GALNT2: variants seen among roughly 807,000 people sequenced by gnomAD.
The protein encoded by GALNT2 is UDP-GalNAc:polypeptide N-acetylgalactosaminyltransferase 2.
Under a neutral mutation model 81.4 loss-of-function variants are expected in GALNT2, and 31 were observed. The observed-to-expected ratio is 0.38, with a 90% confidence interval of 0.29 to 0.51. GALNT2 has a LOEUF of 0.51. Among genes scored for constraint, GALNT2 ranks in the 20% least tolerant of loss-of-function variants. GALNT2 has a pLI of 0.87. For missense variants in GALNT2, 629 were observed against 765.7 expected (o/e 0.82, Z 2.11); for synonymous variants, 303 against 287.4 (o/e 1.05, Z -0.55).
intron 7 of GALNT2, among the ~76,000 whole-genome samples, chr1:230,245,474 AC>A (rs1244803305): frequency 6.7e-6 from 1 of 149,678 alleles, no homozygotes; most frequent in Non-Finnish European, 1.5e-5. Context: ...CAAAAAAAAA[AC>A]AAAACAAAAA....
intron 1 of GALNT2, among the ~76,000 whole-genome samples, chr1:230,086,576 GT>G (rs577047285): frequency 2.7e-4 from 41 of 151,798 alleles, no homozygotes; most frequent in African/African-American, 5.8e-4. Context: ...AAAGTGAGCA[GT>G]TTTTTTTTCC....
rs1666436607 is a variant in GALNT2, at chr1:230,281,327, C to T, written c.*1869C>T. 6.6e-6 allele frequency: 1 copy of T among 152,122 alleles called. No individual in the cohort carries two copies. Among genetic ancestry groups the T allele is most frequent in the Non-Finnish European group, 1.5e-5 (1 of 68,084 alleles). 9.4% of individuals were successfully genotyped at this position (152,122 alleles called of 1,614,324 possible). A position where few individuals can be genotyped will look rare whatever the true frequency, so the allele number is the denominator to read the frequency against. On this transcript the variant is annotated 3_prime_UTR_variant, in exon 16 of 16. Coordinates refer to ENST00000366672, the MANE Select transcript of GALNT2 (RefSeq NM_004481.5). The stretch of plus-strand genomic sequence containing the variant: ...GATGTGTTGTGAGTGGGCAGCGTGC[C>T]CCCACGCTGGAGTAACTCCGCACGC...
At chr1:230,264,526 G>T (rs528737949) in intron 13 of GALNT2, 1 of 152,374 alleles carries the variant, frequency 6.6e-6, no homozygotes, top group African/African-American at 2.4e-5. Context: ...CCCTGTCTGT[G>T]GGGGGTGAGG....
intron 2 of GALNT2, among the ~76,000 whole-genome samples, chr1:230,188,431 A>T (rs1347129114): frequency 6.6e-6 from 1 of 152,176 alleles, no homozygotes; most frequent in Non-Finnish European, 1.5e-5. Context: ...GATGGCCGGG[A>T]GCTCTAGGCT....
intron 1 of GALNT2, 72 bp downstream of exon 1, chr1:230,067,478 C>T (rs1659231510): frequency 2.0e-6 from 1 of 504,842 alleles, no homozygotes; most frequent in Non-Finnish European, 2.8e-6. Context: ...CCCCTGCCCT[C>T]TCCGCGCCGC....
At chr1:230,148,968 C>T (rs531860956) in intron 1 of GALNT2, among the ~76,000 whole-genome samples, 2 of 152,158 alleles carry the variant, frequency 1.3e-5, no homozygotes, top group East Asian at 1.9e-4. Flanking sequence ...GCAGCCTTGA[C>T]CTCCTGGGCT....
intron 1 of GALNT2, among the ~76,000 whole-genome samples, chr1:230,161,610 G>C (rs1662440223): frequency 6.6e-6 from 1 of 152,206 alleles, no homozygotes; most frequent in South Asian, 2.1e-4. Context: ...GTGAGCATAT[G>C]GTTGGTTGGA....
chr1:230,244,514 C>T lies in GALNT2; in HGVS notation c.729+1087C>T, dbSNP rs779544463. Among the ~76,000 whole-genome samples, 6 of 141,088 alleles carry T rather than the reference C, an allele frequency of 4.3e-5. No homozygotes were observed. In the South Asian group the frequency reaches 7.4e-4, roughly 18 times the overall value. The allele number at this position is 141,088 out of a possible 152,430, so 92.6% of individuals were successfully genotyped here. A position where few individuals can be genotyped will look rare whatever the true frequency, so the allele number is the denominator to read the frequency against. On this transcript the variant is annotated intron_variant, in intron 7 of 15. Transcript: ENST00000366672. ...CACAACTTCTTGCTCTCCCTGGCTA[C>T]GCTCCGCCAGGCTGTCTCTCAGGGA...
At position 230,236,678 on chromosome 1, in the gene GALNT2, T is replaced by C; in HGVS notation, c.560T>C (p.Leu187Ser). Reference protein sequence around the residue: ...YSNDPEDGALLGKIEKVRVLR... With the variant: ...YSNDPEDGALSGKIEKVRVLR... ...TTCCTAGCTGAGGACGGGGCTCTCT[T>C]GGGGAAAATTGAGAAAGTGCGAGTT... The change falls in exon 6 of 16, where the codon TTG becomes TCG. Residue 187 changes from leucine to serine, a missense_variant. Physicochemically the swap from Leu to Ser is moderately radical, Grantham distance 145. Coordinates refer to ENST00000366672, the MANE Select transcript of GALNT2 (RefSeq NM_004481.5). 6.2e-7 allele frequency: 1 copy of C among 1,613,304 alleles called. No homozygotes were observed.
intron 14 of GALNT2, among the ~76,000 whole-genome samples, chr1:230,270,283 C>A (rs1433804163): frequency 6.6e-6 from 1 of 152,174 alleles, no homozygotes; most frequent in African/African-American, 2.4e-5. Context: ...TCAGCACATA[C>A]AATGTGATGT....
intron 1 of GALNT2, among the ~76,000 whole-genome samples, chr1:230,163,824 G>A (rs544258275): frequency 6.6e-6 from 1 of 152,350 alleles, no homozygotes; most frequent in African/African-American, 2.4e-5. Flanking sequence ...CTTGGCTGCT[G>A]TGGGCCAGGC....
intron 1 of GALNT2, among the ~76,000 whole-genome samples, chr1:230,090,067 T>C (rs532416624): frequency 6.6e-6 from 1 of 152,222 alleles, no homozygotes; most frequent in Admixed American, 6.5e-5. Context: ...TTATTTTCTG[T>C]TGTTTGATAG....
At position 230,280,626 on chromosome 1, in the gene GALNT2, C is replaced by T. The variant is rs1175104066; in HGVS notation, c.*1168C>T. ...CAGTGTCAGGGATGAGCCCGTCAGC[C>T]AGGGCACAGGCCTGGCTCACAGTCC... is the stretch of plus-strand genomic sequence containing the variant. On this transcript the variant is annotated 3_prime_UTR_variant, in exon 16 of 16. Transcript: ENST00000366672. 6.5e-6 allele frequency: 1 copy of T among 152,874 alleles called. No individual in the cohort carries two copies. Among genetic ancestry groups the T allele is most frequent in the Non-Finnish European group, 1.5e-5 (1 of 68,630 alleles). The allele number at this position is 152,874 out of a possible 1,614,324, so 9.5% of individuals were successfully genotyped here. A position where few individuals can be genotyped will look rare whatever the true frequency, so the allele number is the denominator to read the frequency against.
chr1:230,168,631 G>A (rs528583125), intron 1 of GALNT2, among the ~76,000 whole-genome samples: 6 of 152,326 alleles, frequency 3.9e-5, no homozygotes, highest in Non-Finnish European at 5.9e-5. Flanking sequence ...AGTTTTCAGT[G>A]TAGTTGCTTT....
intron 11 of GALNT2, among the ~76,000 whole-genome samples, chr1:230,260,735 C>T (rs1292770863): frequency 6.6e-6 from 1 of 152,188 alleles, no homozygotes; most frequent in East Asian, 1.9e-4. Context: ...ATGTATGATC[C>T]AGTATCCCCC....
intron 2 of GALNT2, among the ~76,000 whole-genome samples, chr1:230,183,177 T>G (rs1663214286): frequency 6.6e-6 from 1 of 152,212 alleles, no homozygotes; most frequent in African/African-American, 2.4e-5. Context: ...TTATTTATAG[T>G]GGATTTGTTG....
intron 3 of GALNT2, among the ~76,000 whole-genome samples, chr1:230,217,568 A>G (rs1274969149): frequency 1.3e-5 from 2 of 152,240 alleles, no homozygotes; most frequent in Non-Finnish European, 2.9e-5. Flanking sequence ...TTGTGCTGCT[A>G]TAACAAAATA....
intron 14 of GALNT2, 79 bp downstream of exon 14, chr1:230,265,446 A>G (rs1666007843): frequency 6.3e-7 from 1 of 1,586,002 alleles, no homozygotes; most frequent in Non-Finnish European, 8.6e-7. Flanking sequence ...TAGAAGTCCC[A>G]GCTGCCACCT....
intron 1 of GALNT2, among the ~76,000 whole-genome samples, chr1:230,129,726 C>T (rs1661307171): frequency 6.6e-6 from 1 of 152,224 alleles, no homozygotes. Flanking sequence ...TCGTTTTAGA[C>T]TCAGGGTGCA....
Sources: gnomAD v4.1 joint callset for allele counts (sites outside exome capture counted in the v4.1 genomes callset) on GRCh38, gnomAD v4.1.1 for gene constraint, MANE v1.5 for transcripts, NCBI Gene and HGNC (gene_info 2026-07-23, HGNC 2026-07-21) for gene names.